The following DLGAP2 variants were observed in gnomAD, a reference collection of about 807,000 sequenced individuals.
DLGAP2 encodes DLG associated protein 2.
A neutral mutation model predicts 100.3 loss-of-function variants in DLGAP2; 26 were observed. The ratio of observed to expected loss-of-function variants is 0.26; its 90% CI spans 0.19 to 0.36. The LOEUF (loss-of-function observed/expected upper bound fraction) is 0.36, where lower values mean the gene tolerates loss of function less well. Among genes scored for constraint, DLGAP2 ranks in the 10% least tolerant of loss-of-function variants. The probability of loss-of-function intolerance (pLI) is 1.00; values close to 1 mark genes in which losing one functional copy is unlikely to be tolerated. For synonymous variants in DLGAP2, 886 were observed against 630.1 expected (o/e 1.41, Z -6.08); for missense variants, 1,858 against 1,453.2 (o/e 1.28, Z -4.53).
At chr8:1,255,590 G>T (rs906894477) in intron 2 of DLGAP2, among the ~76,000 whole-genome samples, 1 of 129,348 alleles carries the variant, frequency 7.7e-6, no homozygotes, top group Non-Finnish European at 1.6e-5. Flanking sequence ...TCCTGCCTGA[G>T]CACTGTATGT....
intron 3 of DLGAP2, chr8:1,300,251 A>G (rs1001109412): frequency 1.4e-5 from 2 of 148,106 alleles, no homozygotes; most frequent in African/African-American, 4.9e-5. Context: ...GTGTAGATGC[A>G]CTCACATATA....
At chr8:987,583 G>C (rs1433277429) in intron 2 of DLGAP2, among the ~76,000 whole-genome samples, 2 of 152,168 alleles carry the variant, frequency 1.3e-5, no homozygotes, top group Non-Finnish European at 2.9e-5. Flanking sequence ...AACTCAGCCA[G>C]CAAACAAAAT....
intron 3 of DLGAP2, among the ~76,000 whole-genome samples, chr8:1,464,309 C>A (rs1356491254): frequency 2.8e-5 from 3 of 108,928 alleles, no homozygotes; most frequent in East Asian, 2.8e-4. Flanking sequence ...TGGCACCCTT[C>A]CAGGACAACG....
At chr8:809,490 C>G (rs964438961) in intron 1 of DLGAP2, among the ~76,000 whole-genome samples, 14 of 150,406 alleles carry the variant, frequency 9.3e-5, no homozygotes, top group African/African-American at 3.4e-4. Context: ...TTTCATGCAG[C>G]CTGATATCTT....
intron 1 of DLGAP2, among the ~76,000 whole-genome samples, chr8:812,525 T>C (rs1403839602): frequency 6.6e-6 from 1 of 152,162 alleles, no homozygotes; most frequent in Non-Finnish European, 1.5e-5. Context: ...GGTGTGGCAT[T>C]TTGTGGCAAA....
rs190451477 is a variant in DLGAP2 at position 1,489,625 on chromosome 8, G to A, written c.107-11741G>A. On this transcript the variant is annotated intron_variant, in intron 3 of 14. Transcript: ENST00000637795. ...AGGTTGGTGGGAGAAAATTTGGAAA[G>A]CACAAAAAATTTAAAGAGAAAATAA... Among the ~76,000 whole-genome samples the A allele has an allele frequency of 1.0e-3, 153 of 152,260 alleles. 1 individual carries two copies. Among genetic ancestry groups the A allele is most frequent in the Non-Finnish European group, 2.1e-4 (14 of 68,018 alleles).
At chr8:1,085,631 A>G (rs1803950815) in intron 2 of DLGAP2, among the ~76,000 whole-genome samples, 2 of 152,140 alleles carry the variant, frequency 1.3e-5, no homozygotes. Context: ...GTTGATGTGC[A>G]TATTTTTATG....
intron 3 of DLGAP2, among the ~76,000 whole-genome samples, chr8:1,320,292 C>G (rs911409651): frequency 6.6e-6 from 1 of 152,068 alleles, no homozygotes; most frequent in Non-Finnish European, 1.5e-5. Flanking sequence ...CAAGCAGACA[C>G]AAGGTGGCAG....
chr8:800,517 C>T (rs976276230), intron 1 of DLGAP2, among the ~76,000 whole-genome samples: 1 of 152,204 alleles, frequency 6.6e-6, no homozygotes, highest in African/African-American at 2.4e-5. Context: ...TGGGCCGGGG[C>T]CTGTGTCCTG....
At chr8:1,103,316 G>A (rs1201720882) in intron 2 of DLGAP2, among the ~76,000 whole-genome samples, 2 of 151,538 alleles carry the variant, frequency 1.3e-5, no homozygotes, top group African/African-American at 2.4e-5. Flanking sequence ...GAGTCGTATG[G>A]CCTTGGTTAA....
chr8:1,459,916 T>C (rs1479907436), intron 3 of DLGAP2, among the ~76,000 whole-genome samples: 2 of 151,994 alleles, frequency 1.3e-5, no homozygotes, highest in Non-Finnish European at 2.9e-5. Context: ...AAACTCCTGA[T>C]CTCAAGTGAT....
chr8:1,060,618 G>T (rs1422462092), intron 2 of DLGAP2, among the ~76,000 whole-genome samples: 1 of 152,160 alleles, frequency 6.6e-6, no homozygotes, highest in South Asian at 2.1e-4. Flanking sequence ...CATCCGTAAA[G>T]ACCTCATTCC....
intron 3 of DLGAP2, among the ~76,000 whole-genome samples, chr8:1,486,765 A>C (rs145726432): frequency 9.1e-4 from 138 of 152,376 alleles, no homozygotes; most frequent in African/African-American, 3.1e-3. Flanking sequence ...ATATACTGCC[A>C]GTGGAGCTGG....
At chr8:1,052,533 A>G (rs1270802260) in intron 2 of DLGAP2, among the ~76,000 whole-genome samples, 2 of 152,302 alleles carry the variant, frequency 1.3e-5, no homozygotes, top group African/African-American at 4.8e-5. Flanking sequence ...GGCATTGTGT[A>G]GGAGGAATCC....
intron 3 of DLGAP2, among the ~76,000 whole-genome samples, chr8:1,495,174 G>C (rs770828295): frequency 1.3e-5 from 2 of 152,162 alleles, no homozygotes; most frequent in Non-Finnish European, 2.9e-5. Flanking sequence ...TGGGTTCATC[G>C]TGTCGTCTTC....
At chr8:1,085,620 C>T (rs985201033) in intron 2 of DLGAP2, among the ~76,000 whole-genome samples, 25 of 152,122 alleles carry the variant, frequency 1.6e-4, no homozygotes, top group African/African-American at 5.3e-4. Context: ...CTGTTCCATT[C>T]GTTGATGTGC....
rs554768679 is a variant in DLGAP2 at position 778,919 on chromosome 8, G to A, written c.18+41094G>A. On this transcript the variant is annotated intron_variant, in intron 1 of 14. Transcript: ENST00000637795. Reference sequence around the variant, plus strand: ...GTTTACCTAAGCAAGCCTGGGCAATGGTGGGCGCCCCTCCCCCAGCCTCGC... The same window carrying A: ...GTTTACCTAAGCAAGCCTGGGCAATAGTGGGCGCCCCTCCCCCAGCCTCGC... 1.8e-3 allele frequency among the ~76,000 whole-genome samples: 270 copies of A among 152,372 alleles called. 1 individual carries two copies. The highest frequency in any genetic ancestry group is 6.4e-3 in the African/African-American group (267 of 41,596).
intron 3 of DLGAP2, among the ~76,000 whole-genome samples, chr8:1,287,328 T>C (rs1446417172): frequency 1.5e-5 from 2 of 134,036 alleles, no homozygotes; most frequent in African/African-American, 6.0e-5. Flanking sequence ...TGTGTGTGTG[T>C]GTGTGCGTGG....
At chr8:1,563,411 G>A (rs867681249) in intron 5 of DLGAP2, among the ~76,000 whole-genome samples, 1 of 40,256 alleles carries the variant, frequency 2.5e-5, no homozygotes, top group Non-Finnish European at 4.9e-5. Context: ...TTACTGGGGG[G>A]CTGTGTGGTG....
Sources: gnomAD v4.1 joint callset for allele counts (sites outside exome capture counted in the v4.1 genomes callset) on GRCh38, gnomAD v4.1.1 for gene constraint, MANE v1.5 for transcripts, NCBI Gene and HGNC (gene_info 2026-07-23, HGNC 2026-07-21) for gene names.